Variants in RNF130 observed in about 807,000 individuals in gnomAD.
RNF130 encodes the protein ring finger protein 130, also known as E3 ubiquitin-protein ligase RNF130.
RNF130 carries 21 observed loss-of-function variants against 44.6 expected under a neutral mutation model. The ratio of observed to expected loss-of-function variants is 0.47; its 90% CI spans 0.33 to 0.68. RNF130 has a LOEUF of 0.68. Among genes scored for constraint, RNF130 ranks in the 30% least tolerant of loss-of-function variants. RNF130 has a pLI of 0.02. For missense variants in RNF130, 479 were observed against 560.6 expected, an observed-to-expected ratio of 0.85 and a Z score of 1.47; for synonymous variants, 214 against 210.4, an observed-to-expected ratio of 1.02 and a Z score of -0.15.
At chr5:179,914,852 A>C (rs926923262) in exon 8 of RNF130, 1 of 152,006 alleles carries the variant, frequency 6.6e-6, no homozygotes, top group Non-Finnish European at 1.5e-5. Flanking sequence ...CAACATGGAG[A>C]AGCTCTGTCT....
chr5:179,926,561 T>A (rs1367227716), intron 7 of RNF130, among the ~76,000 whole-genome samples: 1 of 151,934 alleles, frequency 6.6e-6, no homozygotes, highest in African/African-American at 2.4e-5. Flanking sequence ...AGCAGGGGAA[T>A]TGCTTGAACC....
intron 7 of RNF130, 136 bp downstream of exon 7, chr5:179,966,670 T>G (rs1762455577): frequency 4.2e-6 from 3 of 708,590 alleles, no homozygotes; most frequent in Non-Finnish European, 7.1e-6. Context: ...AATACCTGTT[T>G]TAACAGCAAC....
chr5:180,002,849 C>CT (rs1292172358), intron 3 of RNF130, among the ~76,000 whole-genome samples: 1 of 151,958 alleles, frequency 6.6e-6, no homozygotes, highest in Non-Finnish European at 1.5e-5. Flanking sequence ...ATTGTTCAGG[C>CT]TTTTTTTGCA....
chr5:180,016,835 C>T (rs1398462321), intron 2 of RNF130, among the ~76,000 whole-genome samples: 1 of 152,170 alleles, frequency 6.6e-6, no homozygotes, highest in African/African-American at 2.4e-5. Flanking sequence ...TTTTGCTGAA[C>T]CAATTAAGAG....
chr5:180,063,739 C>G (rs1042181081), intron 1 of RNF130, among the ~76,000 whole-genome samples: 1 of 152,164 alleles, frequency 6.6e-6, no homozygotes, highest in Non-Finnish European at 1.5e-5. Context: ...GATCTCAAAC[C>G]TAAGACTTTT....
At chr5:179,931,798 C>T (rs1451860667) in intron 7 of RNF130, among the ~76,000 whole-genome samples, 1 of 150,618 alleles carries the variant, frequency 6.6e-6, no homozygotes, top group Non-Finnish European at 1.5e-5. Flanking sequence ...AACAAAACTA[C>T]AGTACAAAGA....
chr5:179,943,767 T>C (rs17079827), intron 7 of RNF130, among the ~76,000 whole-genome samples: 2,712 of 152,314 alleles, frequency 0.018, 83 homozygotes, highest in African/African-American at 0.06. Context: ...CAGCTATGAT[T>C]AAACCGCAAA....
intron 7 of RNF130, chr5:179,939,665 C>T (rs1761944952): frequency 6.5e-6 from 3 of 462,790 alleles, no homozygotes; most frequent in Non-Finnish European, 1.3e-5. Flanking sequence ...GCCCTGTGAC[C>T]TAGTGATCCA....
exon 8 of RNF130, chr5:179,911,952 T>A (rs1269321428): frequency 6.6e-6 from 1 of 152,230 alleles, no homozygotes; most frequent in Non-Finnish European, 1.5e-5. Context: ...TATTGACTGT[T>A]CTTTCTGGCA....
intron 2 of RNF130, among the ~76,000 whole-genome samples, chr5:180,037,997 G>A (rs1471275307): frequency 6.6e-6 from 1 of 152,072 alleles, no homozygotes; most frequent in Admixed American, 6.5e-5. Flanking sequence ...AGAGTTACAT[G>A]GTCAAATAGG....
rs76731983 is a variant in RNF130, at chr5:179,939,750, G to A, written c.1151-19324C>T. Reference sequence around the variant, plus strand: ...AAATCCACTGAAAGCGGAGAAAAACGACCCCCTCCCTTGGCGACTCCTTTG... The same window carrying A: ...AAATCCACTGAAAGCGGAGAAAAACAACCCCCTCCCTTGGCGACTCCTTTG... On this transcript the variant is annotated intron_variant, in intron 7 of 7. Coordinates refer to the RNF130 transcript ENST00000522208. The A allele has an allele frequency of 9.0e-3, 3,987 of 442,140 alleles. 29 individuals carry two copies. Among genetic ancestry groups the A allele is most frequent in the Non-Finnish European group, 0.013 (2,840 of 224,750 alleles). 27.4% of individuals were successfully genotyped at this position (442,140 alleles called of 1,614,324 possible).
intron 1 of RNF130, among the ~76,000 whole-genome samples, chr5:180,067,742 G>A (rs1765140547): frequency 6.6e-6 from 1 of 152,150 alleles, no homozygotes; most frequent in Non-Finnish European, 1.5e-5. Context: ...CTGCTCCCAT[G>A]ATCATATATC....
At chr5:180,057,407 G>A (rs1288405887) in intron 1 of RNF130, among the ~76,000 whole-genome samples, 1 of 152,106 alleles carries the variant, frequency 6.6e-6, no homozygotes, top group Non-Finnish European at 1.5e-5. Flanking sequence ...AAACTATCCG[G>A]GCATGGTGGT....
chr5:179,938,888 C>T (rs535576072), intron 7 of RNF130, among the ~76,000 whole-genome samples: 32 of 152,236 alleles, frequency 2.1e-4, no homozygotes, highest in Admixed American at 9.2e-4. Context: ...TTCATGCTGG[C>T]GTTAGGGTAC....
chr5:179,992,525 T>C (rs1176597967), intron 3 of RNF130, among the ~76,000 whole-genome samples: 1 of 152,200 alleles, frequency 6.6e-6, no homozygotes, highest in Non-Finnish European at 1.5e-5. Flanking sequence ...GTTTTTAAAA[T>C]AAAAAACTTA....
downstream of RNF130, among the ~76,000 whole-genome samples, chr5:179,951,573 C>T (rs185631412): frequency 2.4e-4 from 37 of 152,066 alleles, no homozygotes; most frequent in African/African-American, 8.2e-4. Context: ...TTAGTAGAGA[C>T]GGGGTTTCAC....
intron 1 of RNF130, among the ~76,000 whole-genome samples, chr5:180,054,705 G>C (rs879070105): frequency 6.6e-6 from 1 of 152,154 alleles, no homozygotes; most frequent in Admixed American, 6.5e-5. Flanking sequence ...TTTGACTACT[G>C]TGAGTCCCTT....
intron 3 of RNF130, among the ~76,000 whole-genome samples, chr5:179,981,043 G>A (rs1762825173): frequency 1.3e-5 from 2 of 152,114 alleles, no homozygotes; most frequent in African/African-American, 4.8e-5. Flanking sequence ...GAGGAGTCGA[G>A]GCCTGGACTA....
At chr5:180,057,873 G>A (rs1473953790) in intron 1 of RNF130, among the ~76,000 whole-genome samples, 1 of 152,210 alleles carries the variant, frequency 6.6e-6, no homozygotes, top group African/African-American at 2.4e-5. Flanking sequence ...GCCAAGTCAA[G>A]ACAGATGTGT....
Sources: allele counts gnomAD v4.1 joint callset (sites outside exome capture counted in the v4.1 genomes callset), GRCh38; gene constraint gnomAD v4.1.1; transcripts MANE v1.5; gene names NCBI Gene and HGNC (gene_info 2026-07-23, HGNC 2026-07-21).